CELF2: variants seen among roughly 807,000 people sequenced by gnomAD.
The protein encoded by CELF2 is CUG triplet repeat RNA-binding protein 2.
In CELF2, 8 loss-of-function variants were observed where a neutral mutation model predicts 62.6. The observed-to-expected ratio is 0.13, with a 90% CI of 0.07 to 0.23. CELF2 has a LOEUF of 0.23. Among genes scored for constraint, CELF2 ranks in the 10% least tolerant of loss-of-function variants. The probability of loss-of-function intolerance (pLI) is 1.00; values close to 1 mark genes in which losing one functional copy is unlikely to be tolerated. For synonymous variants in CELF2, 258 were observed against 250.0 expected (o/e 1.03, Z -0.30); for missense variants, 333 against 671.0 (o/e 0.50, Z 5.56).
the CELF2 span, among the ~76,000 whole-genome samples, chr10:10,685,830 G>A: frequency 2.6e-5 from 4 of 152,242 alleles, no homozygotes; most frequent in Non-Finnish European, 5.9e-5. Flanking sequence ...ACTGTTAGTC[G>A]GGGGAAGCTG....
chr10:11,271,693 A>C (rs1021613244), intron 7 of CELF2, among the ~76,000 whole-genome samples: 1 of 147,988 alleles, frequency 6.8e-6, no homozygotes, highest in Non-Finnish European at 1.5e-5. Context: ...TGGGCCTTTT[A>C]TTCCAGCCTC....
intron 1 of CELF2, among the ~76,000 whole-genome samples, chr10:10,870,124 A>C (rs563357233): frequency 1.1e-4 from 16 of 152,358 alleles, no homozygotes; most frequent in Non-Finnish European, 2.1e-4. Context: ...CACAATGTTC[A>C]TGTATTTTTA....
At chr10:10,507,758 A>AAT in the CELF2 span, among the ~76,000 whole-genome samples, 1 of 152,224 alleles carries the variant, frequency 6.6e-6, no homozygotes, top group Non-Finnish European at 1.5e-5. Context: ...CCTCCATCCA[A>AAT]ATGAAAGCTG....
chr10:11,165,746 C>A lies in CELF2; in HGVS notation c.271+64C>A. 1 of 1,449,088 alleles carries A rather than the reference C, an allele frequency of 6.9e-7. No individual in the cohort carries two copies. Among genetic ancestry groups the A allele is most frequent in the Non-Finnish European group, 9.3e-7 (1 of 1,071,562 alleles). 89.8% of individuals were successfully genotyped at this position (1,449,088 alleles called of 1,614,324 possible). ...GGGCGTCGCGGGGCACTGGGGCTGT[C>A]CGAGCCCCCAGCCTGCAGGAGGAAG... is the stretch of plus-strand genomic sequence containing the variant. On this transcript the variant is annotated intron_variant, in intron 2 of 12. Coordinates refer to ENST00000633077, the MANE Select transcript of CELF2 (RefSeq NM_001326342.2). The surrounding 1 kb of genome is among the most constrained non-coding windows in gnomAD (Gnocchi z 7.4).
the CELF2 span, among the ~76,000 whole-genome samples, chr10:10,553,318 C>T: frequency 1.1e-4 from 17 of 152,112 alleles, no homozygotes; most frequent in Non-Finnish European, 2.5e-4. Flanking sequence ...ATGGGAATTA[C>T]AGGGGCTACA....
chr10:10,896,764 G>C (rs1310069334), intron 1 of CELF2, among the ~76,000 whole-genome samples: 1 of 152,176 alleles, frequency 6.6e-6, no homozygotes, highest in African/African-American at 2.4e-5. Context: ...CAAACTTCTA[G>C]CTTCTAGAAT....
upstream of CELF2, among the ~76,000 whole-genome samples, chr10:11,016,695 G>A (rs1052023506): frequency 5.9e-5 from 9 of 152,170 alleles, no homozygotes; most frequent in African/African-American, 2.2e-4. This position sits in a 1 kb window ranked among gnomAD's most constrained non-coding sequence, Gnocchi z 5.2. Flanking sequence ...GGTATCCTCA[G>A]GCATAATTTG....
intron 1 of CELF2, among the ~76,000 whole-genome samples, chr10:11,130,357 A>G (rs1388075172): frequency 1.3e-5 from 2 of 152,210 alleles, no homozygotes; most frequent in Admixed American, 6.5e-5. Context: ...CTGTCTCACA[A>G]GCTCCCCTGA....
rs1049128222 is a variant in CELF2 at position 11,243,126 on chromosome 10, T to C, written c.355-6027T>C. On this transcript the variant is annotated intron_variant, in intron 3 of 12. Coordinates refer to ENST00000633077, the MANE Select transcript of CELF2 (RefSeq NM_001326342.2). The surrounding 1 kb of genome is among the most constrained non-coding windows in gnomAD (Gnocchi z 4.1). ...GATGCTCCCCTCCATGAGCTCCACC[T>C]TCATTGTGCATAGGACGCTGATTCT... Among the ~76,000 whole-genome samples the C allele has an allele frequency of 6.6e-6, 1 of 152,060 alleles. No individual in the cohort carries two copies. Among genetic ancestry groups the C allele is most frequent in the South Asian group, 2.1e-4 (1 of 4,828 alleles).
intron 1 of CELF2, among the ~76,000 whole-genome samples, chr10:10,894,322 A>T (rs2062384416): frequency 6.6e-6 from 1 of 152,238 alleles, no homozygotes. Context: ...TCGATTTCCG[A>T]TGATGAATCC....
the CELF2 span, among the ~76,000 whole-genome samples, chr10:10,637,937 G>A: frequency 6.6e-6 from 1 of 152,112 alleles, no homozygotes; most frequent in Non-Finnish European, 1.5e-5. Flanking sequence ...GTACCTCTTT[G>A]ACAGAAGAAA....
the CELF2 span, among the ~76,000 whole-genome samples, chr10:10,656,971 G>A: frequency 6.7e-6 from 1 of 149,532 alleles, no homozygotes; most frequent in African/African-American, 2.5e-5. Flanking sequence ...ACACATTAAT[G>A]TTAATAGCAG....
Position 11,018,110 on chromosome 10 carries a change from G to T in CELF2, c.21G>T (p.Leu7=). Residue 7 remains leucine, a synonymous_variant, in exon 1 of 13, where the codon CTG becomes CTT. Transcript: ENST00000633077. MTSAFK[L]DFLPDMMVEG... ...CGAACATGACTTCTGCCTTCAAGCT[G>T]GATTTCCTCCCGGACATGATGGTCG... 1 of 1,510,582 alleles carries T rather than the reference G, an allele frequency of 6.6e-7. No homozygotes were observed. The highest frequency in any genetic ancestry group is 8.9e-7 in the Non-Finnish European group (1 of 1,125,150). The allele number at this position is 1,510,582 out of a possible 1,614,324, so 93.6% of individuals were successfully genotyped here.
chr10:10,883,600 G>A (rs2061570520), intron 1 of CELF2, among the ~76,000 whole-genome samples: 1 of 152,032 alleles, frequency 6.6e-6, no homozygotes, highest in South Asian at 2.1e-4. Context: ...TGCTGTCCCT[G>A]GCCAGAGTGA....
At position 10,962,637 on chromosome 10, in the gene CELF2, T is replaced by A. The variant is rs954423314; in HGVS notation, c.89+42638T>A. The stretch of plus-strand genomic sequence containing the variant: ...CTGCTTGGGAGGCTGAGGCGGGAAG[T>A]TGGTGTGAGCCCAGTAGTCTGAAGC... On this transcript the variant is annotated intron_variant, in intron 2 of 13. Transcript: ENST00000636488. 5.9e-5 allele frequency among the ~76,000 whole-genome samples: 9 copies of A among 152,204 alleles called. No individual in the cohort carries two copies. The South Asian group carries it at 1.9e-3, about 32-fold the overall frequency.
chr10:10,633,920 T>C, the CELF2 span, among the ~76,000 whole-genome samples: 545 of 152,202 alleles, frequency 3.6e-3, 2 homozygotes, highest in African/African-American at 0.013. Flanking sequence ...TGGGTTTGTG[T>C]CTAAATTTCT....
intron 2 of CELF2, among the ~76,000 whole-genome samples, chr10:11,166,651 C>A (rs1001214930): frequency 3.3e-5 from 5 of 152,118 alleles, no homozygotes; most frequent in African/African-American, 1.2e-4. Flanking sequence ...TTGCTCTGTG[C>A]CTTGGTGTTT....
chr10:10,509,901 G>A, the CELF2 span, among the ~76,000 whole-genome samples: 2 of 152,194 alleles, frequency 1.3e-5, no homozygotes, highest in Non-Finnish European at 2.9e-5. Flanking sequence ...GCACAACCAT[G>A]AGTCAGAGAT....
the CELF2 span, among the ~76,000 whole-genome samples, chr10:10,704,879 G>A: frequency 4.1e-5 from 6 of 147,884 alleles, no homozygotes; most frequent in Admixed American, 3.4e-4. Flanking sequence ...AGGAATGCAG[G>A]AGCTTATATA....
Sources: allele counts gnomAD v4.1 joint callset (sites outside exome capture counted in the v4.1 genomes callset), GRCh38; gene constraint gnomAD v4.1.1; non-coding constraint Gnocchi (gnomAD v3.1); transcripts MANE v1.5; gene names NCBI Gene and HGNC (gene_info 2026-07-23, HGNC 2026-07-21).